PLCE1: variants seen among roughly 807,000 people sequenced by gnomAD.
PLCE1 encodes phospholipase C epsilon 1, also known as 1-phosphatidylinositol 4,5-bisphosphate phosphodiesterase epsilon-1.
PLCE1 carries 119 observed loss-of-function variants against 242.8 expected under a neutral mutation model. The ratio of observed to expected loss-of-function variants is 0.49; its 90% CI spans 0.42 to 0.57. The LOEUF (loss-of-function observed/expected upper bound fraction) is 0.57. PLCE1 is among the 20% of genes least tolerant of loss of function. The pLI is 0.00. For missense variants in PLCE1, 2,441 were observed against 2,788.8 expected, an observed-to-expected ratio of 0.88 and a Z score of 2.81; for synonymous variants, 945 against 1,017.4, an observed-to-expected ratio of 0.93 and a Z score of 1.35.
intron 2 of PLCE1, among the ~76,000 whole-genome samples, chr10:94,055,038 C>T (rs80053705): frequency 0.016 from 2,361 of 150,596 alleles, 52 homozygotes; most frequent in African/African-American, 0.054. Context: ...AGAAAAATGC[C>T]CTGTTCAGTA....
At chr10:94,028,477 T>C (rs548753882) in intron 1 of PLCE1, among the ~76,000 whole-genome samples, 30 of 152,288 alleles carry the variant, frequency 2.0e-4, no homozygotes, top group African/African-American at 6.5e-4. Context: ...TCAGCAGTCA[T>C]GTACTGTTCC....
intron 7 of PLCE1, among the ~76,000 whole-genome samples, chr10:94,239,986 T>C (rs182455834): frequency 4.9e-4 from 75 of 152,264 alleles, no homozygotes; most frequent in African/African-American, 1.8e-3. Flanking sequence ...CAGTCTCACT[T>C]TCTGGCTTTG....
At chr10:94,025,336 A>G (rs75114873) in intron 1 of PLCE1, among the ~76,000 whole-genome samples, 2,696 of 152,258 alleles carry the variant, frequency 0.018, 92 homozygotes, top group African/African-American at 0.061. Context: ...CAGAGGTTCT[A>G]CTACTGAGGA....
chr10:94,012,583 G>C (rs2061191280), intron 1 of PLCE1, among the ~76,000 whole-genome samples: 1 of 152,098 alleles, frequency 6.6e-6, no homozygotes, highest in Non-Finnish European at 1.5e-5. Flanking sequence ...GGACGGTGCA[G>C]CTTCCTCATC....
intron 29 of PLCE1, among the ~76,000 whole-genome samples, chr10:94,317,383 GTATTT>G (rs1284186190): frequency 3.3e-5 from 5 of 152,188 alleles, no homozygotes; most frequent in African/African-American, 1.2e-4. Context: ...TATGGGTCCA[GTATTT>G]TATTTGTATG....
intron 1 of PLCE1, among the ~76,000 whole-genome samples, chr10:94,028,418 G>A (rs1397243248): frequency 2.0e-5 from 3 of 152,228 alleles, no homozygotes; most frequent in East Asian, 1.9e-4. Flanking sequence ...CAGAGCATGC[G>A]AGAGAGGAGT....
At chr10:94,248,591 AAAAC>A (rs144360291) in intron 8 of PLCE1, among the ~76,000 whole-genome samples, 51,128 of 151,172 alleles carry the variant, frequency 0.34, 8,762 homozygotes, top group Middle Eastern at 0.44. Context: ...CTGTCTCAAA[AAAAC>A]AAACAAACAA....
intron 23 of PLCE1, among the ~76,000 whole-genome samples, chr10:94,297,158 G>A (rs1018643311): frequency 5.3e-5 from 8 of 152,086 alleles, no homozygotes; most frequent in Non-Finnish European, 1.0e-4. Flanking sequence ...ATGAGCCACC[G>A]TGACCAGCCT....
chr10:94,311,096 G>A (rs2053373364), intron 27 of PLCE1, among the ~76,000 whole-genome samples: 1 of 152,178 alleles, frequency 6.6e-6, no homozygotes, highest in South Asian at 2.1e-4. Context: ...AGGTATGGGA[G>A]GAGGAGTGCA....
chr10:94,165,930 C>T (rs1167922850), intron 3 of PLCE1, among the ~76,000 whole-genome samples: 1 of 152,130 alleles, frequency 6.6e-6, no homozygotes, highest in African/African-American at 2.4e-5. Context: ...TGGTCTCCAA[C>T]TCCTGACATC....
chr10:94,240,932 C>T (rs1457113954), intron 7 of PLCE1, among the ~76,000 whole-genome samples: 1 of 152,110 alleles, frequency 6.6e-6, no homozygotes, highest in Non-Finnish European at 1.5e-5. Flanking sequence ...CTTAACATTC[C>T]ACCTTATCCC....
At position 94,062,410 on chromosome 10, in the gene PLCE1, A is replaced by G. The variant is rs146443961; in HGVS notation, c.1206+30158A>G. Among the ~76,000 whole-genome samples the G allele has an allele frequency of 7.2e-4, 110 of 152,100 alleles. 2 individuals carry two copies. Among genetic ancestry groups the G allele is most frequent in the African/African-American group, 2.6e-3 (107 of 41,502 alleles). On this transcript the variant is annotated intron_variant, in intron 2 of 32. Transcript: ENST00000371380. The stretch of plus-strand genomic sequence containing the variant: ...GGGCTCAAGCAATCCTCCTGCCTCA[A>G]TCTCCCAAGTAGCAGTCCACTCTGC...
At chr10:94,220,956 T>C (rs1459280820) in intron 4 of PLCE1, among the ~76,000 whole-genome samples, 1 of 152,154 alleles carries the variant, frequency 6.6e-6, no homozygotes, top group Non-Finnish European at 1.5e-5. Context: ...CTTCCCCTTG[T>C]TCCAAATGGG....
At chr10:94,277,073 T>C (rs775230178) in intron 19 of PLCE1, among the ~76,000 whole-genome samples, 20 of 152,216 alleles carry the variant, frequency 1.3e-4, no homozygotes, top group Non-Finnish European at 2.8e-4. Context: ...TCATTTCCCA[T>C]ACAAAGAACT....
intron 3 of PLCE1, among the ~76,000 whole-genome samples, chr10:94,162,725 C>G (rs941655199): frequency 6.2e-4 from 94 of 152,290 alleles, no homozygotes; most frequent in African/African-American, 2.1e-3. Flanking sequence ...TCTTGTTTCT[C>G]TAGTTCTTTT....
rs367701895 is a variant in PLCE1 at position 94,324,996 on chromosome 10, C to G, written c.6825C>G (p.Leu2275=). 20 of 1,614,220 alleles carry G rather than the reference C, an allele frequency of 1.2e-5. No homozygotes were observed. The highest frequency in any genetic ancestry group is 1.4e-5 in the Non-Finnish European group (17 of 1,180,016). Residue 2275 remains leucine, a synonymous_variant, in exon 32 of 33, where the codon CTC becomes CTG. Coordinates refer to ENST00000371380, the MANE Select transcript of PLCE1 (RefSeq NM_016341.4). ...QPRGLTSPSQ[L]LTSESIQTKE... ...GAGGACTTACATCACCTTCTCAGCT[C>G]TTGACCTCAGAAAGTATCCAAACCA...
intron 2 of PLCE1, among the ~76,000 whole-genome samples, chr10:94,075,218 G>A (rs973718873): frequency 5.9e-5 from 9 of 152,150 alleles, no homozygotes; most frequent in East Asian, 1.9e-4. Context: ...TAGTTAGTCA[G>A]GGATGTGCCC....
In PLCE1 at chr10:94,129,933, TC is replaced by T. The variant is rs2046547384; in HGVS notation, c.1207-2238del. Among the ~76,000 whole-genome samples the T allele has an allele frequency of 2.0e-5, 3 of 152,176 alleles. No individual in the cohort carries two copies. The South Asian group carries it at 6.2e-4, about 32-fold the overall frequency. On this transcript the variant is annotated intron_variant, in intron 2 of 32. Coordinates refer to ENST00000371380, the MANE Select transcript of PLCE1 (RefSeq NM_016341.4). The stretch of plus-strand genomic sequence containing the variant: ...TTCCCCAGTTATTTCCTATGCTTAC[TC>T]CCTGCTCTAAACTCCACTGGCTGTC...
chr10:94,092,056 G>GT (rs2045095635), intron 2 of PLCE1, among the ~76,000 whole-genome samples: 1 of 152,138 alleles, frequency 6.6e-6, no homozygotes, highest in African/African-American at 2.4e-5. Context: ...CCTAAGAAAT[G>GT]TAAGATTAAC....
Sources: allele counts gnomAD v4.1 joint callset (sites outside exome capture counted in the v4.1 genomes callset), GRCh38; gene constraint gnomAD v4.1.1; transcripts MANE v1.5; gene names NCBI Gene and HGNC (gene_info 2026-07-23, HGNC 2026-07-21).